PADI2: variants seen among roughly 807,000 people sequenced by gnomAD.
The protein encoded by PADI2 is protein-arginine deiminase type-2.
A neutral mutation model predicts 81.1 loss-of-function variants in PADI2; 70 were observed. The observed-to-expected ratio is 0.86, with a 90% CI of 0.71 to 1.05. The LOEUF is 1.05. Among genes scored for constraint, PADI2 ranks in the 50% least tolerant of loss-of-function variants. The probability of loss-of-function intolerance (pLI) is 0.00; values close to 1 mark genes in which losing one functional copy is unlikely to be tolerated. For synonymous variants in PADI2, 338 were observed against 358.0 expected (o/e 0.94, Z 0.63); for missense variants, 853 against 889.9 (o/e 0.96, Z 0.53).
intron 1 of PADI2, among the ~76,000 whole-genome samples, chr1:17,117,053 A>G (rs532530110): frequency 6.6e-6 from 1 of 152,290 alleles, no homozygotes; most frequent in East Asian, 1.9e-4. Flanking sequence ...TAGGGGACAG[A>G]GGTCAGGGAT....
intron 11 of PADI2, among the ~76,000 whole-genome samples, chr1:17,078,143 C>T (rs1268785355): frequency 6.6e-6 from 1 of 152,182 alleles, no homozygotes; most frequent in Non-Finnish European, 1.5e-5. Flanking sequence ...CGCAGTTTCA[C>T]TCTTGTTGCC....
intron 4 of PADI2, among the ~76,000 whole-genome samples, chr1:17,095,298 C>T (rs1164218139): frequency 2.0e-5 from 3 of 152,178 alleles, no homozygotes; most frequent in African/African-American, 7.2e-5. Flanking sequence ...TACATGCACA[C>T]CAACCACACC....
intron 11 of PADI2, among the ~76,000 whole-genome samples, chr1:17,078,490 C>G (rs866540228): frequency 6.6e-6 from 1 of 152,312 alleles, no homozygotes. Context: ...CCTCTGGCTC[C>G]CAGGTTCAAG....
chr1:17,104,237 C>A (rs1407563022), intron 2 of PADI2, among the ~76,000 whole-genome samples: 1 of 151,004 alleles, frequency 6.6e-6, no homozygotes, highest in Non-Finnish European at 1.5e-5. Flanking sequence ...TTGCAGTGAG[C>A]CGAGATCGCA....
At chr1:17,090,616 T>TGTGTGC (rs1420387853) in intron 6 of PADI2, among the ~76,000 whole-genome samples, 3 of 147,546 alleles carry the variant, frequency 2.0e-5, no homozygotes, top group Non-Finnish European at 3.0e-5. Context: ...TGTGTGTGTG[T>TGTGTGC]GTCTAAGAGT....
intron 10 of PADI2, among the ~76,000 whole-genome samples, chr1:17,081,769 G>A (rs897150826): frequency 3.3e-5 from 5 of 152,158 alleles, no homozygotes; most frequent in African/African-American, 4.8e-5. Flanking sequence ...ATGGCTTCCA[G>A]AATGGGAGGA....
intron 1 of PADI2, among the ~76,000 whole-genome samples, chr1:17,108,475 G>A (rs1044945662): frequency 1.3e-5 from 2 of 151,974 alleles, no homozygotes; most frequent in African/African-American, 2.4e-5. Flanking sequence ...GCTGAGTGGT[G>A]TTGCCACGTG....
chr1:17,108,891 G>A (rs1016470153), intron 1 of PADI2, among the ~76,000 whole-genome samples: 2 of 152,332 alleles, frequency 1.3e-5, no homozygotes, highest in African/African-American at 4.8e-5. Flanking sequence ...GGGAAACTAT[G>A]GCCTCAGGTC....
chr1:17,098,546 T>C (rs1437925626), intron 3 of PADI2, among the ~76,000 whole-genome samples: 1 of 152,248 alleles, frequency 6.6e-6, no homozygotes, highest in African/African-American at 2.4e-5. Flanking sequence ...GCCCTTCTTC[T>C]CAGCTGCCTA....
chr1:17,093,517 A>C, intron 5 of PADI2, 50 bp downstream of exon 5: 1 of 1,242,008 alleles, frequency 8.1e-7, no homozygotes, highest in Non-Finnish European at 1.2e-6. Context: ...CTGGGCATGA[A>C]TCTTTTCACT....
chr1:17,070,356 G>T, intron 14 of PADI2, 140 bp from the exon 15 acceptor site: 1 of 1,001,202 alleles, frequency 1.0e-6, no homozygotes, highest in Non-Finnish European at 1.5e-6. Flanking sequence ...GGGCGCCTCT[G>T]CAGCCTCTCC....
At chr1:17,102,893 G>T in intron 3 of PADI2, 94 bp downstream of exon 3, 2 of 883,156 alleles carry the variant, frequency 2.3e-6, no homozygotes, top group Non-Finnish European at 3.7e-6. Flanking sequence ...TGCCAGGTCA[G>T]CCGCACTGAG....
chr1:17,074,480 T>C (rs2295054), intron 13 of PADI2, among the ~76,000 whole-genome samples: 91,045 of 151,658 alleles, frequency 0.6, 27,719 homozygotes, highest in Middle Eastern at 0.7. Flanking sequence ...AGTGATCCTC[T>C]TTCTTCAGCC....
chr1:17,093,461 A>G, intron 5 of PADI2, 106 bp downstream of exon 5: 1 of 711,776 alleles, frequency 1.4e-6, no homozygotes, highest in South Asian at 1.8e-5. Context: ...CACCATCCCC[A>G]GGAGGCCTGA....
intron 2 of PADI2, among the ~76,000 whole-genome samples, 153 bp downstream of exon 2, chr1:17,104,725 G>A (rs576063277): frequency 5.5e-4 from 83 of 152,242 alleles, no homozygotes; most frequent in Non-Finnish European, 9.9e-4. Context: ...GAGCTACTGC[G>A]CCCGGCCTCT....
rs1359372582 is a variant in PADI2 at position 17,069,086 on chromosome 1, G to A, written c.1956C>T (p.Arg652=). 3.1e-6 allele frequency: 5 copies of A among 1,614,238 alleles called. No homozygotes were observed. Among genetic ancestry groups the A allele is most frequent in the Non-Finnish European group, 4.2e-6 (5 of 1,180,020 alleles). ...ACCACTTGAAGGTGAAGGGCTTCCT[G>A]CGGACGTTGGTGCCACAGTGGACTT... ...LGEVHCGTNV[R]RKPFTFKWWH... The change falls in exon 16 of 16, where the codon CGC becomes CGT. Residue 652 remains arginine (R), a synonymous_variant. Coordinates refer to ENST00000375486, the MANE Select transcript of PADI2 (RefSeq NM_007365.3).
chr1:17,090,492 A>G (rs1344258514), intron 6 of PADI2, among the ~76,000 whole-genome samples: 1 of 152,142 alleles, frequency 6.6e-6, no homozygotes, highest in Non-Finnish European at 1.5e-5. Context: ...GCTCATCCAC[A>G]GGGGTGCCTG....
chr1:17,099,643 A>G (rs1017963890), intron 3 of PADI2, among the ~76,000 whole-genome samples: 2 of 152,216 alleles, frequency 1.3e-5, no homozygotes, highest in African/African-American at 4.8e-5. Flanking sequence ...CCCAAATCCC[A>G]GAAGGAAGAA....
chr1:17,074,486 C>T (rs2078286967), intron 13 of PADI2, among the ~76,000 whole-genome samples: 2 of 152,114 alleles, frequency 1.3e-5, no homozygotes, highest in Admixed American at 1.3e-4. Flanking sequence ...CCTCTTTCTT[C>T]AGCCTCCAAA....
Sources: allele counts gnomAD v4.1 joint callset (sites outside exome capture counted in the v4.1 genomes callset), GRCh38; gene constraint gnomAD v4.1.1; transcripts MANE v1.5; gene names NCBI Gene and HGNC (gene_info 2026-07-23, HGNC 2026-07-21).